Variants in NTN1 observed in about 807,000 individuals in gnomAD.
NTN1 encodes netrin-1.
Under a neutral mutation model 54.2 loss-of-function variants are expected in NTN1, and 11 were observed. The ratio of observed to expected loss-of-function variants is 0.20; its 90% CI spans 0.13 to 0.34. The LOEUF is 0.34. Ranked by LOEUF, NTN1 falls within the 10% of genes least tolerant of loss-of-function variation. NTN1 has a pLI of 1.00. For missense variants in NTN1, 740 were observed against 893.1 expected (o/e 0.83, Z 2.18); for synonymous variants, 371 against 382.0 (o/e 0.97, Z 0.33).
chr17:9,102,168 A>T (rs1214650443), intron 2 of NTN1, among the ~76,000 whole-genome samples: 1 of 152,252 alleles, frequency 6.6e-6, no homozygotes, highest in Non-Finnish European at 1.5e-5. Flanking sequence ...AACATATCAA[A>T]TAACAGTTTT....
chr17:9,128,817 G>A (rs1270982908), intron 2 of NTN1, among the ~76,000 whole-genome samples: 1 of 152,168 alleles, frequency 6.6e-6, no homozygotes, highest in African/African-American at 2.4e-5. Context: ...GCAAAAATCA[G>A]AATCTTCATA....
chr17:9,003,180 G>T, the NTN1 span, among the ~76,000 whole-genome samples: 1 of 152,096 alleles, frequency 6.6e-6, no homozygotes, highest in Non-Finnish European at 1.5e-5. This position sits in a 1 kb window ranked among gnomAD's most constrained non-coding sequence, Gnocchi z 7.4. Flanking sequence ...TCGCGGCCGG[G>T]TGGGGGCGGC....
chr17:9,234,860 G>C (rs11657572), intron 6 of NTN1, among the ~76,000 whole-genome samples: 41,439 of 152,034 alleles, frequency 0.27, 5,667 homozygotes, highest in Non-Finnish European at 0.29. Context: ...ACTTCCTTGT[G>C]TCCACTTCAG....
chr17:9,209,215 G>A (rs1047067972), intron 5 of NTN1, among the ~76,000 whole-genome samples: 1 of 152,306 alleles, frequency 6.6e-6, no homozygotes, highest in South Asian at 2.1e-4. Context: ...ACTTGGAATG[G>A]TGAATGACCC....
the NTN1 span, among the ~76,000 whole-genome samples, chr17:9,003,461 C>G: frequency 6.6e-6 from 1 of 151,158 alleles, no homozygotes; most frequent in Non-Finnish European, 1.5e-5. The surrounding 1 kb of genome is among the most constrained non-coding windows in gnomAD (Gnocchi z 7.4). Context: ...CCGGCGAGCC[C>G]CAGCCTGCTC....
intron 5 of NTN1, among the ~76,000 whole-genome samples, chr17:9,214,392 G>A (rs1905172680): frequency 6.6e-6 from 1 of 152,108 alleles, no homozygotes; most frequent in African/African-American, 2.4e-5. Context: ...TAATTACTAG[G>A]TGATGTTCTT....
Position 9,022,524 on chromosome 17 carries a change from T to C in NTN1, c.151T>C (p.Cys51Arg). The change falls in exon 2 of 7, where the codon TGC becomes CGC. Residue 51 changes from cysteine to arginine, a missense_variant. Physicochemically the swap from Cys to Arg is radical, Grantham distance 180 (BLOSUM62 -3). Transcript: ENST00000173229. Reference protein sequence around the residue: ...CSDENGHPRRCIPDFVNAAFG... With the variant: ...CSDENGHPRRRIPDFVNAAFG... ...GGACGAGAACGGCCACCCGCGCCGC[T>C]GCATCCCGGACTTTGTCAATGCGGC... 1 of 1,549,814 alleles carries C rather than the reference T, an allele frequency of 6.5e-7. No homozygotes were observed. The highest frequency in any genetic ancestry group is 2.4e-5 in the East Asian group (1 of 41,442).
chr17:9,128,140 AAATAAAT>A (rs1414137054), intron 2 of NTN1, among the ~76,000 whole-genome samples: 2 of 150,094 alleles, frequency 1.3e-5, no homozygotes, highest in African/African-American at 4.9e-5. Flanking sequence ...ATAAATAAAT[AAATAAAT>A]AATAATAATA....
chr17:9,122,055 T>G lies in NTN1; in HGVS notation c.1019-40758T>G, dbSNP rs1316249410. ...TGAGTTACATTTTTTTTTTTTTTTT[T>G]GAGACGGAGTCTCGTTCTGTCGCCC... On this transcript the variant is annotated intron_variant, in intron 2 of 6. Coordinates refer to ENST00000173229, the MANE Select transcript of NTN1 (RefSeq NM_004822.3). Among the ~76,000 whole-genome samples, 21 of 141,744 alleles carry G rather than the reference T, an allele frequency of 1.5e-4. No homozygotes were observed. The Middle Eastern group carries it at 0.015, about 100-fold the overall frequency. The allele number at this position is 141,744 out of a possible 152,430, so 93.0% of individuals were successfully genotyped here. A position where few individuals can be genotyped will look rare whatever the true frequency, so the allele number is the denominator to read the frequency against.
chr17:9,189,558 G>A (rs1904394943), intron 5 of NTN1, among the ~76,000 whole-genome samples: 3 of 152,026 alleles, frequency 2.0e-5, no homozygotes, highest in Admixed American at 1.3e-4. Flanking sequence ...CACCATGTTG[G>A]CCAGGCTGGT....
the NTN1 span, among the ~76,000 whole-genome samples, chr17:9,006,328 T>A: frequency 1.3e-5 from 2 of 152,186 alleles, no homozygotes; most frequent in East Asian, 1.9e-4. Context: ...AAAGGTCAGC[T>A]TGGTTCATCC....
intron 5 of NTN1, among the ~76,000 whole-genome samples, chr17:9,200,451 T>A (rs979322719): frequency 1.3e-5 from 2 of 152,224 alleles, no homozygotes; most frequent in Admixed American, 1.3e-4. Flanking sequence ...TACAGCGGAT[T>A]AGCAGCCGCA....
chr17:9,049,585 TC>T, intron 2 of NTN1, among the ~76,000 whole-genome samples: 1 of 152,260 alleles, frequency 6.6e-6, no homozygotes, highest in East Asian at 1.9e-4. Context: ...TACGAGATGA[TC>T]CCAAATGAGA....
intron 5 of NTN1, among the ~76,000 whole-genome samples, chr17:9,213,243 G>A (rs1231195435): frequency 1.3e-5 from 2 of 152,266 alleles, no homozygotes; most frequent in Non-Finnish European, 2.9e-5. Flanking sequence ...GAGCACGTCC[G>A]AGTAGGGGGC....
chr17:9,091,547 G>A (rs1006182371), intron 2 of NTN1, among the ~76,000 whole-genome samples: 19 of 149,318 alleles, frequency 1.3e-4, no homozygotes, highest in African/African-American at 4.4e-4. Context: ...TTTGCCTCAC[G>A]GGTTCGAGTG....
chr17:9,243,801 A>G lies in NTN1; in HGVS notation c.*3833A>G, dbSNP rs1407120064. On this transcript the variant is annotated 3_prime_UTR_variant, in exon 7 of 7. Transcript: ENST00000173229. ...TTGTTTGGGTCAATGTCCCTTTCCA[A>G]TGCATACTAATATATTATGGTTATT... is the stretch of plus-strand genomic sequence containing the variant. 7 of 149,032 alleles carry G rather than the reference A, an allele frequency of 4.7e-5. No homozygotes were observed. The highest frequency in any genetic ancestry group is 1.0e-4 in the Non-Finnish European group (7 of 67,596). 9.2% of individuals were successfully genotyped at this position (149,032 alleles called of 1,614,324 possible).
intron 4 of NTN1, among the ~76,000 whole-genome samples, chr17:9,181,888 G>A (rs1050102962): frequency 1.3e-5 from 2 of 152,238 alleles, no homozygotes; most frequent in African/African-American, 4.8e-5. Flanking sequence ...GAACCGATGA[G>A]CAGTGGGGAC....
In NTN1 at chr17:9,082,352, C is replaced by T. The variant is rs371330314; in HGVS notation, c.1018+58961C>T. On this transcript the variant is annotated intron_variant, in intron 2 of 6. Coordinates refer to ENST00000173229, the MANE Select transcript of NTN1 (RefSeq NM_004822.3). ...CTGGGATTACAGGCATGAGCCTCCA[C>T]GCCTGGCCAGCATCTTGTATTTTTA... Among the ~76,000 whole-genome samples, 302 of 152,338 alleles carry T rather than the reference C, an allele frequency of 2.0e-3. 10 individuals carry two copies. In the South Asian group the frequency reaches 0.061, roughly 31 times the overall value.
chr17:9,239,766 G>C lies in NTN1; in HGVS notation c.1613G>C (p.Arg538Pro), dbSNP rs771578807. 2 of 1,613,790 alleles carry C rather than the reference G, an allele frequency of 1.2e-6. No homozygotes were observed. Among genetic ancestry groups the C allele is most frequent in the South Asian group, 1.1e-5 (1 of 91,074 alleles). ...CGCGGTGACCAGAGCCTGTGGATCC[G>C]CTCGCGGGACATCGCCTGCAAGTGT... ...IRRGDQSLWIRSRDIACKCPK... is the reference protein window; with the variant it reads ...IRRGDQSLWIPSRDIACKCPK... The change falls in exon 7 of 7, where the codon CGC (arginine) becomes CCC (proline). Residue 538 changes from arginine to proline, a missense_variant. Arg to Pro is a moderately radical substitution (Grantham distance 103). Coordinates refer to ENST00000173229, the MANE Select transcript of NTN1 (RefSeq NM_004822.3). This position sits in a 1 kb window ranked among gnomAD's most constrained non-coding sequence, Gnocchi z 5.2.
Sources: gnomAD v4.1 joint callset for allele counts (sites outside exome capture counted in the v4.1 genomes callset) on GRCh38, gnomAD v4.1.1 for gene constraint, Gnocchi (gnomAD v3.1) non-coding constraint, MANE v1.5 for transcripts, NCBI Gene and HGNC (gene_info 2026-07-23, HGNC 2026-07-21) for gene names.